HS3ST4: variants seen among roughly 807,000 people sequenced by gnomAD.
HS3ST4 encodes heparan sulfate glucosamine 3-O-sulfotransferase 4.
Under a neutral mutation model 29.2 loss-of-function variants are expected in HS3ST4, and 17 were observed. The observed-to-expected ratio is 0.58, with a 90% confidence interval of 0.40 to 0.87. The LOEUF is 0.87. Ranked by LOEUF, HS3ST4 falls within the 40% of genes least tolerant of loss-of-function variation. HS3ST4 has a pLI of 0.00. For synonymous variants in HS3ST4, 314 were observed against 285.7 expected, an observed-to-expected ratio of 1.10 and a Z score of -1.00; for missense variants, 627 against 634.5, an observed-to-expected ratio of 0.99 and a Z score of 0.13.
chr16:25,994,598 A>G (rs1272762694), intron 1 of HS3ST4, among the ~76,000 whole-genome samples: 3 of 152,152 alleles, frequency 2.0e-5, no homozygotes, highest in Non-Finnish European at 4.4e-5. Context: ...TAAATATGTT[A>G]TTTGTTTTTA....
At chr16:25,701,311 T>C (rs1164753484) in intron 1 of HS3ST4, among the ~76,000 whole-genome samples, 1 of 152,176 alleles carries the variant, frequency 6.6e-6, no homozygotes, top group Non-Finnish European at 1.5e-5. Context: ...CCTAAAGCAA[T>C]AATTGTGTGG....
intron 1 of HS3ST4, among the ~76,000 whole-genome samples, chr16:25,888,636 C>G (rs552106229): frequency 6.6e-6 from 1 of 152,156 alleles, no homozygotes; most frequent in African/African-American, 2.4e-5. Context: ...GCCTGCCTAC[C>G]CTTGGAGCTA....
chr16:26,073,186 C>G (rs908392109), intron 1 of HS3ST4, among the ~76,000 whole-genome samples: 1 of 152,108 alleles, frequency 6.6e-6, no homozygotes, highest in Non-Finnish European at 1.5e-5. Flanking sequence ...TTAGATGCAC[C>G]ATTTTATGCC....
intron 1 of HS3ST4, among the ~76,000 whole-genome samples, chr16:25,789,570 G>T (rs17704330): frequency 0.37 from 55,042 of 147,862 alleles, 10,396 homozygotes; most frequent in Admixed American, 0.4. Flanking sequence ...AAATAATGAT[G>T]AATACAACTG....
At chr16:26,115,266 T>C (rs75177218) in intron 1 of HS3ST4, among the ~76,000 whole-genome samples, 27,742 of 148,444 alleles carry the variant, frequency 0.19, 2,609 homozygotes, top group Admixed American at 0.23. Flanking sequence ...TACATATATA[T>C]ACACACACAC....
At chr16:25,967,949 T>C (rs1353276588) in intron 1 of HS3ST4, among the ~76,000 whole-genome samples, 1 of 152,188 alleles carries the variant, frequency 6.6e-6, no homozygotes, top group East Asian at 1.9e-4. Context: ...TCTCTATCAT[T>C]CTCATTAGAT....
At chr16:25,912,321 C>T (rs1968249397) in intron 1 of HS3ST4, among the ~76,000 whole-genome samples, 1 of 152,198 alleles carries the variant, frequency 6.6e-6, no homozygotes, top group East Asian at 1.9e-4. Context: ...TCTTCAATGA[C>T]TGTGTTCCCT....
At chr16:25,955,348 G>A (rs573639519) in intron 1 of HS3ST4, among the ~76,000 whole-genome samples, 1 of 152,256 alleles carries the variant, frequency 6.6e-6, no homozygotes, top group South Asian at 2.1e-4. Context: ...AATAAACCTC[G>A]TCAGTTGCTT....
chr16:25,768,313 G>T (rs117853269), intron 1 of HS3ST4, among the ~76,000 whole-genome samples: 33 of 152,342 alleles, frequency 2.2e-4, no homozygotes, highest in Non-Finnish European at 4.3e-4. Context: ...TAACTTTGCT[G>T]AATAGGGAGT....
At chr16:25,920,195 C>A (rs151058753) in intron 1 of HS3ST4, among the ~76,000 whole-genome samples, 1 of 152,110 alleles carries the variant, frequency 6.6e-6, no homozygotes, top group Non-Finnish European at 1.5e-5. Context: ...ATTGCAGTAA[C>A]CTAAGCTGCT....
intron 1 of HS3ST4, among the ~76,000 whole-genome samples, chr16:25,927,684 G>T (rs532079754): frequency 6.6e-6 from 1 of 151,422 alleles, no homozygotes; most frequent in East Asian, 1.9e-4. Context: ...GCCCCAGCTC[G>T]CTGTTTTTCT....
At chr16:26,102,390 C>T (rs561073233) in intron 1 of HS3ST4, among the ~76,000 whole-genome samples, 58 of 152,284 alleles carry the variant, frequency 3.8e-4, no homozygotes, top group African/African-American at 1.3e-3. Context: ...GTGGTCCTTT[C>T]AATCTTCCCC....
At chr16:25,817,049 CAA>C (rs1403086018) in intron 1 of HS3ST4, among the ~76,000 whole-genome samples, 2 of 152,174 alleles carry the variant, frequency 1.3e-5, no homozygotes, top group African/African-American at 2.4e-5. Context: ...TTGCAGGGGA[CAA>C]AAATTCAAAC....
chr16:25,841,219 A>G (rs904858896), intron 1 of HS3ST4, among the ~76,000 whole-genome samples: 13 of 151,880 alleles, frequency 8.6e-5, no homozygotes, highest in Admixed American at 7.2e-4. Context: ...GTTAGCCAGG[A>G]TGGTCTCGAT....
intron 1 of HS3ST4, among the ~76,000 whole-genome samples, chr16:25,720,812 T>G (rs758179142): frequency 3.3e-5 from 5 of 152,030 alleles, no homozygotes; most frequent in Non-Finnish European, 7.4e-5. Context: ...AGAGGAGTAG[T>G]TTTAAGGGGA....
chr16:25,946,176 C>G (rs1405046151), intron 1 of HS3ST4, among the ~76,000 whole-genome samples: 1 of 152,142 alleles, frequency 6.6e-6, no homozygotes, highest in Non-Finnish European at 1.5e-5. Context: ...TTGCAACATC[C>G]AGATGTTTTC....
At chr16:25,782,567 C>G (rs1966853638) in intron 1 of HS3ST4, among the ~76,000 whole-genome samples, 1 of 152,188 alleles carries the variant, frequency 6.6e-6, no homozygotes, top group East Asian at 1.9e-4. Flanking sequence ...TGGATACCCT[C>G]TGTATCTGTT....
At chr16:25,802,737 A>T (rs2141624762) in intron 1 of HS3ST4, among the ~76,000 whole-genome samples, 1 of 152,196 alleles carries the variant, frequency 6.6e-6, no homozygotes, top group East Asian at 1.9e-4. Flanking sequence ...TTAGCAATGT[A>T]TTCGTTATGT....
intron 1 of HS3ST4, among the ~76,000 whole-genome samples, chr16:25,705,405 C>A (rs561428575): frequency 3.3e-4 from 50 of 152,252 alleles, no homozygotes; most frequent in African/African-American, 1.1e-3. Context: ...GTGGCTCACG[C>A]CTGTAATCCC....
Sources: allele counts gnomAD v4.1 joint callset (sites outside exome capture counted in the v4.1 genomes callset), GRCh38; gene constraint gnomAD v4.1.1; transcripts MANE v1.5; gene names NCBI Gene and HGNC (gene_info 2026-07-23, HGNC 2026-07-21).